Variants in KIF13A observed in about 807,000 individuals in gnomAD.
The protein encoded by KIF13A is kinesin-like protein KIF13A.
Under a neutral mutation model 212.2 loss-of-function variants are expected in KIF13A, and 79 were observed. That is an observed-to-expected ratio of 0.37 (90% CI 0.31 to 0.45). The LOEUF is 0.45. Among genes scored for constraint, KIF13A ranks in the 20% least tolerant of loss-of-function variants. The pLI is 1.00. For synonymous variants in KIF13A, 789 were observed against 808.6 expected (o/e 0.98, Z 0.41); for missense variants, 1,901 against 2,209.0 (o/e 0.86, Z 2.79).
In KIF13A at chr6:17,763,989, T is replaced by G; in HGVS notation, c.*121A>C. 1 of 1,459,768 alleles carries G rather than the reference T, an allele frequency of 6.9e-7. No homozygotes were observed. Among genetic ancestry groups the G allele is most frequent in the Non-Finnish European group, 9.0e-7 (1 of 1,105,660 alleles). 90.4% of individuals were successfully genotyped at this position (1,459,768 alleles called of 1,614,324 possible). A position where few individuals can be genotyped will look rare whatever the true frequency, so the allele number is the denominator to read the frequency against. On this transcript the variant is annotated 3_prime_UTR_variant, in exon 39 of 39. Coordinates refer to ENST00000259711, the MANE Select transcript of KIF13A (RefSeq NM_022113.6). ...ACTTGCTCTCCGACAGAGACAGCTG[T>G]GCAGGAAGTGAGCCTGCTTCTCTGT...
chr6:17,845,427 G>T (rs1291350391), intron 9 of KIF13A, among the ~76,000 whole-genome samples: 1 of 152,150 alleles, frequency 6.6e-6, no homozygotes, highest in Non-Finnish European at 1.5e-5. Flanking sequence ...TATAGAACAA[G>T]TGTTCAATAG....
chr6:17,889,335 CAT>C (rs1329576261), intron 3 of KIF13A, among the ~76,000 whole-genome samples: 1 of 152,138 alleles, frequency 6.6e-6, no homozygotes, highest in Non-Finnish European at 1.5e-5. Flanking sequence ...AACTTATAAA[CAT>C]AGAAGTGAGA....
intron 6 of KIF13A, among the ~76,000 whole-genome samples, chr6:17,852,489 G>A (rs1437655109): frequency 6.6e-6 from 1 of 152,068 alleles, no homozygotes; most frequent in Non-Finnish European, 1.5e-5. Context: ...GCATGACCCC[G>A]GCTTACTATA....
intron 2 of KIF13A, among the ~76,000 whole-genome samples, chr6:17,964,866 A>C (rs1201132113): frequency 6.6e-6 from 1 of 152,120 alleles, no homozygotes; most frequent in African/African-American, 2.4e-5. Flanking sequence ...CTCTGTCGCC[A>C]GGCTGGAGTG....
intron 25 of KIF13A, among the ~76,000 whole-genome samples, chr6:17,791,486 A>G (rs1416617609): frequency 2.0e-5 from 3 of 152,154 alleles, no homozygotes; most frequent in African/African-American, 7.2e-5. Flanking sequence ...AAATAGTTAC[A>G]GTCCAAATTT....
chr6:17,895,335 T>C lies in KIF13A; in HGVS notation c.159+2833A>G, dbSNP rs1031212823. On this transcript the variant is annotated intron_variant, in intron 3 of 38. Transcript: ENST00000259711. This position sits in a 1 kb window ranked among gnomAD's most constrained non-coding sequence, Gnocchi z 4.4. ...TTGTCATGTACCTCCTTAACTTTGA[T>C]GGTGTATTGGACATTGTATTTTTAA... 1.3e-5 allele frequency among the ~76,000 whole-genome samples: 2 copies of C among 152,230 alleles called. No individual in the cohort carries two copies.
At chr6:17,861,480 A>G (rs370124186) in intron 4 of KIF13A, among the ~76,000 whole-genome samples, 6 of 152,202 alleles carry the variant, frequency 3.9e-5, no homozygotes, top group African/African-American at 1.2e-4. Flanking sequence ...GTTTATTCTT[A>G]CATGTTTACC....
intron 20 of KIF13A, among the ~76,000 whole-genome samples, chr6:17,803,628 T>C (rs902230855): frequency 6.6e-6 from 1 of 152,218 alleles, no homozygotes; most frequent in African/African-American, 2.4e-5. Context: ...AAGCCTGTTT[T>C]GTTTTGAGTA....
chr6:17,902,171 C>T (rs1773106971), intron 2 of KIF13A, among the ~76,000 whole-genome samples: 1 of 152,100 alleles, frequency 6.6e-6, no homozygotes, highest in Non-Finnish European at 1.5e-5. Context: ...ACCTAAGTGA[C>T]CCCGACACAT....
chr6:17,986,984 T>A, intron 2 of KIF13A, 70 bp downstream of exon 2: 1 of 1,152,580 alleles, frequency 8.7e-7, no homozygotes. Flanking sequence ...CACTCCCATT[T>A]TCCTGGCTCA....
At chr6:17,841,096 C>T (rs12198235) in intron 9 of KIF13A, among the ~76,000 whole-genome samples, 52,988 of 102,034 alleles carry the variant, frequency 0.52, 10,297 homozygotes, top group African/African-American at 0.62. Flanking sequence ...TTTTTTTTTT[C>T]CAAAGACAGG....
intron 31 of KIF13A, among the ~76,000 whole-genome samples, chr6:17,779,975 T>C (rs997003705): frequency 6.6e-6 from 1 of 150,744 alleles, no homozygotes; most frequent in South Asian, 2.1e-4. Flanking sequence ...CTCGATCTCC[T>C]GACCTCGTGA....
At chr6:17,885,068 T>C (rs1771415014) in intron 3 of KIF13A, among the ~76,000 whole-genome samples, 1 of 152,196 alleles carries the variant, frequency 6.6e-6, no homozygotes, top group Non-Finnish European at 1.5e-5. Flanking sequence ...GTTTCAATGC[T>C]TTTCTCTTTT....
chr6:17,931,045 T>C (rs6923237), intron 2 of KIF13A, among the ~76,000 whole-genome samples: 14,673 of 152,276 alleles, frequency 0.096, 896 homozygotes, highest in East Asian at 0.18. Flanking sequence ...TGTTCTTTCA[T>C]GGGAAAACAC....
At position 17,919,935 on chromosome 6, in the gene KIF13A, A is replaced by T. The variant is rs1774902504; in HGVS notation, c.147-21755T>A. ...CTGAAAAATTAACTTCTATTAAAAT[A>T]CTCATGGAAGGGAAGACATAAGCAG... On this transcript the variant is annotated intron_variant, in intron 2 of 38. Transcript: ENST00000259711. The surrounding 1 kb of genome is among the most constrained non-coding windows in gnomAD (Gnocchi z 4.1). 1.3e-5 allele frequency among the ~76,000 whole-genome samples: 2 copies of T among 152,186 alleles called. No individual in the cohort carries two copies. The highest frequency in any genetic ancestry group is 1.3e-4 in the Admixed American group (2 of 15,278).
At chr6:17,877,588 A>C (rs891987180) in intron 3 of KIF13A, among the ~76,000 whole-genome samples, 1 of 151,978 alleles carries the variant, frequency 6.6e-6, no homozygotes, top group African/African-American at 2.4e-5. Context: ...TTTCCAGGAC[A>C]TTTCCCTTTT....
chr6:17,936,818 A>G (rs892714402), intron 2 of KIF13A, among the ~76,000 whole-genome samples: 1 of 152,184 alleles, frequency 6.6e-6, no homozygotes, highest in African/African-American at 2.4e-5. Flanking sequence ...TATGTGTTAC[A>G]TTTAAGTGTG....
rs574195660 is a variant in KIF13A, at chr6:17,839,154, A to C, written c.831-1571T>G. On this transcript the variant is annotated intron_variant, in intron 9 of 38. Transcript: ENST00000259711. The surrounding 1 kb of genome is among the most constrained non-coding windows in gnomAD (Gnocchi z 4.3). ...AATTAATACTTAATGAGTACAATGT[A>C]TGTTATTCAGGTGACGGATACCTTA... is the stretch of plus-strand genomic sequence containing the variant. Among the ~76,000 whole-genome samples the C allele has an allele frequency of 8.5e-5, 13 of 152,162 alleles. No homozygotes were observed. Among genetic ancestry groups the C allele is most frequent in the Non-Finnish European group, 1.6e-4 (11 of 68,028 alleles).
At chr6:17,878,575 C>G (rs1281550487) in intron 3 of KIF13A, among the ~76,000 whole-genome samples, 1 of 152,052 alleles carries the variant, frequency 6.6e-6, no homozygotes, top group Non-Finnish European at 1.5e-5. Context: ...CCACTGCATC[C>G]AGGTCAAACT....
Sources: gnomAD v4.1 joint callset for allele counts (sites outside exome capture counted in the v4.1 genomes callset) on GRCh38, gnomAD v4.1.1 for gene constraint, Gnocchi (gnomAD v3.1) non-coding constraint, MANE v1.5 for transcripts, NCBI Gene and HGNC (gene_info 2026-07-23, HGNC 2026-07-21) for gene names.